The following KCNIP4 variants were observed in gnomAD, a reference collection of about 807,000 sequenced individuals.
KCNIP4 encodes the protein potassium voltage-gated channel interacting protein 4.
A neutral mutation model predicts 34.0 loss-of-function variants in KCNIP4; 12 were observed. The observed-to-expected ratio is 0.35, with a 90% confidence interval of 0.23 to 0.57. The LOEUF is 0.57. Among genes scored for constraint, KCNIP4 ranks in the 20% least tolerant of loss-of-function variants. KCNIP4 has a pLI of 0.83. For synonymous variants in KCNIP4, 124 were observed against 102.2 expected (o/e 1.21, Z -1.29); for missense variants, 238 against 311.7 (o/e 0.76, Z 1.78).
At chr4:21,420,296 C>T (rs28634890) in intron 1 of KCNIP4, among the ~76,000 whole-genome samples, 1,545 of 152,236 alleles carry the variant, frequency 0.01, 27 homozygotes, top group African/African-American at 0.035. Flanking sequence ...CATTTCTCCC[C>T]CTCCCACTGC....
At chr4:21,727,891 T>C (rs1241403409) in intron 1 of KCNIP4, among the ~76,000 whole-genome samples, 1 of 152,092 alleles carries the variant, frequency 6.6e-6, no homozygotes, top group Non-Finnish European at 1.5e-5. Context: ...TTCAGAATAT[T>C]TTTCAGAACA....
chr4:21,347,014 G>C (rs1717501900), intron 1 of KCNIP4, among the ~76,000 whole-genome samples: 1 of 152,098 alleles, frequency 6.6e-6, no homozygotes, highest in Non-Finnish European at 1.5e-5. Context: ...TAATGGTTAA[G>C]AATATAGGTT....
intron 1 of KCNIP4, among the ~76,000 whole-genome samples, chr4:20,966,059 T>C (rs965712117): frequency 3.3e-5 from 5 of 152,180 alleles, no homozygotes; most frequent in Admixed American, 1.3e-4. Flanking sequence ...ACTCAAGTAA[T>C]GTTTAGAAGT....
At chr4:21,209,640 T>G (rs1757094227) in intron 1 of KCNIP4, among the ~76,000 whole-genome samples, 1 of 152,164 alleles carries the variant, frequency 6.6e-6, no homozygotes, top group African/African-American at 2.4e-5. Flanking sequence ...TCTATCTATC[T>G]ATCATATCTG....
At chr4:21,516,986 T>C (rs1193338248) in intron 1 of KCNIP4, among the ~76,000 whole-genome samples, 1 of 152,108 alleles carries the variant, frequency 6.6e-6, no homozygotes, top group Non-Finnish European at 1.5e-5. Flanking sequence ...AGCCCATGTG[T>C]GCAGAGAATG....
At chr4:21,003,268 C>T (rs1738291398) in intron 1 of KCNIP4, among the ~76,000 whole-genome samples, 1 of 152,136 alleles carries the variant, frequency 6.6e-6, no homozygotes, top group East Asian at 1.9e-4. Context: ...CGTCTATCTT[C>T]CCGGAACTGG....
chr4:21,890,735 T>C (rs1205445483), intron 1 of KCNIP4, among the ~76,000 whole-genome samples: 2 of 152,094 alleles, frequency 1.3e-5, no homozygotes, highest in African/African-American at 4.8e-5. Flanking sequence ...AATTTTATAC[T>C]TGAGGAAACA....
chr4:20,868,952 A>G (rs1723143222), intron 2 of KCNIP4, among the ~76,000 whole-genome samples: 1 of 152,092 alleles, frequency 6.6e-6, no homozygotes, highest in East Asian at 1.9e-4. Flanking sequence ...CTGAACATGT[A>G]CCTACTGTAT....
At chr4:21,249,412 G>A (rs1260133129) in intron 1 of KCNIP4, among the ~76,000 whole-genome samples, 16 of 152,104 alleles carry the variant, frequency 1.1e-4, no homozygotes, top group Admixed American at 9.8e-4. Flanking sequence ...TGGTATGTAT[G>A]TATTAAGGTT....
At chr4:21,233,863 G>A (rs1758986441) in intron 1 of KCNIP4, among the ~76,000 whole-genome samples, 2 of 124,032 alleles carry the variant, frequency 1.6e-5, no homozygotes, top group Admixed American at 8.6e-5. Flanking sequence ...TAGTCAATAT[G>A]ACTTTGAGAT....
At position 20,729,262 on chromosome 4, in the gene KCNIP4, A is replaced by ATGTC. The variant is rs1747102372; in HGVS notation, c.*816_*819dup. ...GGATAGATATCCTGACCCTTTGCAT[A>ATGTC]TGTCTGTAAACATCCTTGTTTTGTT... On this transcript the variant is annotated 3_prime_UTR_variant, in exon 9 of 9. Coordinates refer to ENST00000382152, the MANE Select transcript of KCNIP4 (RefSeq NM_025221.6). The ATGTC allele has an allele frequency of 6.6e-6, 1 of 152,494 alleles. No homozygotes were observed. Among genetic ancestry groups the ATGTC allele is most frequent in the African/African-American group, 2.4e-5 (1 of 41,432 alleles). The allele number at this position is 152,494 out of a possible 1,614,324, so 9.4% of individuals were successfully genotyped here.
intron 1 of KCNIP4, among the ~76,000 whole-genome samples, chr4:21,861,713 A>C (rs1398068007): frequency 6.6e-6 from 1 of 151,496 alleles, no homozygotes; most frequent in African/African-American, 2.4e-5. Flanking sequence ...ACCACTATTA[A>C]ATTGAGTCCA....
At chr4:21,522,421 G>A (rs1295035067) in intron 1 of KCNIP4, among the ~76,000 whole-genome samples, 3 of 151,834 alleles carry the variant, frequency 2.0e-5, no homozygotes, top group African/African-American at 7.3e-5. Flanking sequence ...CTGTCACCCA[G>A]GCTGGTGCAC....
At chr4:21,396,313 T>C (rs918689942) in intron 1 of KCNIP4, among the ~76,000 whole-genome samples, 3 of 151,866 alleles carry the variant, frequency 2.0e-5, no homozygotes, top group Non-Finnish European at 2.9e-5. Context: ...CCCAGCACTT[T>C]GGGAGACCAA....
chr4:21,735,867 T>C (rs1450905491), intron 1 of KCNIP4, among the ~76,000 whole-genome samples: 2 of 152,208 alleles, frequency 1.3e-5, no homozygotes, highest in African/African-American at 4.8e-5. Flanking sequence ...TTTGCTATCA[T>C]ATCATATCTC....
chr4:21,457,350 C>T (rs1266059730), intron 1 of KCNIP4, among the ~76,000 whole-genome samples: 6 of 151,946 alleles, frequency 3.9e-5, no homozygotes, highest in Admixed American at 3.9e-4. Context: ...GGTTTAATGC[C>T]TTTTAGCGTG....
intron 1 of KCNIP4, among the ~76,000 whole-genome samples, chr4:21,503,567 A>T (rs1267562568): frequency 6.6e-6 from 1 of 152,226 alleles, no homozygotes; most frequent in South Asian, 2.1e-4. Context: ...TGGACTGTTC[A>T]TTTCAAAGCA....
In KCNIP4 at chr4:21,155,973, A is replaced by G. The variant is rs41374147; in HGVS notation, c.62-273264T>C. The stretch of plus-strand genomic sequence containing the variant: ...AACCCTCGAAAAATTGTCATTGGAC[A>G]CAACTTTATACCACTTAGCTGAGTT... On this transcript the variant is annotated intron_variant, in intron 1 of 8. Transcript: ENST00000382152. Among the ~76,000 whole-genome samples, 709 of 152,302 alleles carry G rather than the reference A, an allele frequency of 4.7e-3. 3 individuals are homozygous for G. Among genetic ancestry groups the G allele is most frequent in the African/African-American group, 0.015 (613 of 41,586 alleles).
chr4:21,152,524 A>G lies in KCNIP4; in HGVS notation c.62-269815T>C, dbSNP rs1181277205. On this transcript the variant is annotated intron_variant, in intron 1 of 8. Transcript: ENST00000382152. ...AGCCATTTTTTTTTTTTGGTTTCTA[A>G]TTTCTAATTCTTTCCACTTTTCTAA... Among the ~76,000 whole-genome samples, 7 of 151,730 alleles carry G rather than the reference A, an allele frequency of 4.6e-5. No homozygotes were observed. The East Asian group carries it at 7.7e-4, about 17-fold the overall frequency.
Sources: allele counts gnomAD v4.1 joint callset (sites outside exome capture counted in the v4.1 genomes callset), GRCh38; gene constraint gnomAD v4.1.1; transcripts MANE v1.5; gene names NCBI Gene and HGNC (gene_info 2026-07-23, HGNC 2026-07-21).